The following RAB33B variants were observed in gnomAD, a reference collection of about 807,000 sequenced individuals.
RAB33B encodes the protein RAB33B, member RAS oncogene family, also known as ras-related protein Rab-33B.
A neutral mutation model predicts 15.0 loss-of-function variants in RAB33B; 6 were observed. The ratio of observed to expected loss-of-function variants is 0.40; its 90% confidence interval spans 0.22 to 0.79. RAB33B has a LOEUF of 0.79. RAB33B is among the 30% of genes least tolerant of loss of function. The probability of loss-of-function intolerance (pLI) is 0.37; values close to 1 mark genes in which losing one functional copy is unlikely to be tolerated. For missense variants in RAB33B, 257 were observed against 296.4 expected (o/e 0.87, Z 0.98); for synonymous variants, 117 against 108.3 (o/e 1.08, Z -0.50).
the RAB33B span, among the ~76,000 whole-genome samples, chr4:139,441,374 C>T: frequency 6.6e-6 from 1 of 152,196 alleles, no homozygotes; most frequent in African/African-American, 2.4e-5. Context: ...GAACTGGAGA[C>T]ATTTCTGCAA....
chr4:139,459,790 C>T (rs1376965096), intron 1 of RAB33B, among the ~76,000 whole-genome samples: 1 of 152,044 alleles, frequency 6.6e-6, no homozygotes, highest in Non-Finnish European at 1.5e-5. Context: ...CCTGCCACCC[C>T]ACCCCGCTAA....
chr4:139,469,187 C>T (rs34662699), intron 1 of RAB33B, among the ~76,000 whole-genome samples: 29,606 of 152,098 alleles, frequency 0.19, 3,236 homozygotes, highest in Non-Finnish European at 0.25. Flanking sequence ...TTAAAGCCAG[C>T]AGCTCTTAGA....
upstream of RAB33B, chr4:139,453,012 T>A (rs1749961190): frequency 6.6e-6 from 1 of 152,232 alleles, no homozygotes; most frequent in Non-Finnish European, 1.5e-5. Flanking sequence ...GCACGTTTCC[T>A]CAGAAAAATT....
At chr4:139,463,897 G>A (rs1750221281) in intron 1 of RAB33B, among the ~76,000 whole-genome samples, 1 of 152,198 alleles carries the variant, frequency 6.6e-6, no homozygotes, top group Non-Finnish European at 1.5e-5. Context: ...TATTCCATGA[G>A]AGAAATTTTG....
intron 1 of RAB33B, among the ~76,000 whole-genome samples, chr4:139,455,185 A>G (rs1467540384): frequency 1.3e-5 from 2 of 152,184 alleles, no homozygotes; most frequent in East Asian, 3.8e-4. Flanking sequence ...GCCCCAGGGC[A>G]GGTTTGAAGT....
chr4:139,459,393 A>G (rs189688299), intron 1 of RAB33B, among the ~76,000 whole-genome samples: 249 of 152,184 alleles, frequency 1.6e-3, no homozygotes, highest in Non-Finnish European at 2.8e-3. Context: ...CCATGATCAC[A>G]CCATTGCTCT....
chr4:139,456,748 T>C (rs1465867774), intron 1 of RAB33B, among the ~76,000 whole-genome samples: 1 of 152,254 alleles, frequency 6.6e-6, no homozygotes, highest in Non-Finnish European at 1.5e-5. Flanking sequence ...TTGAAATGAC[T>C]ACAGACATGT....
At chr4:139,471,886 T>G (rs924590184) in intron 1 of RAB33B, among the ~76,000 whole-genome samples, 1 of 152,206 alleles carries the variant, frequency 6.6e-6, no homozygotes, top group Non-Finnish European at 1.5e-5. Context: ...GAGTAAGTTT[T>G]TATATATGGT....
upstream of RAB33B, chr4:139,450,301 G>T (rs1046092212): frequency 2.0e-5 from 3 of 152,164 alleles, no homozygotes; most frequent in Admixed American, 6.5e-5. Flanking sequence ...TGATGTCTGG[G>T]GTTACCAAAC....
the RAB33B span, among the ~76,000 whole-genome samples, chr4:139,443,146 C>T: frequency 6.6e-6 from 1 of 152,090 alleles, no homozygotes; most frequent in Admixed American, 6.6e-5. Flanking sequence ...GCACCCACCA[C>T]CATGCCCGGC....
intron 1 of RAB33B, among the ~76,000 whole-genome samples, chr4:139,468,403 C>T (rs1421247229): frequency 1.3e-5 from 2 of 152,184 alleles, no homozygotes; most frequent in Admixed American, 6.5e-5. Flanking sequence ...AGTTAACACT[C>T]TTTTTACATA....
chr4:139,467,269 T>C (rs1750304810), intron 1 of RAB33B, among the ~76,000 whole-genome samples: 1 of 141,796 alleles, frequency 7.1e-6, no homozygotes, highest in South Asian at 2.3e-4. Flanking sequence ...GTGCCTGGCC[T>C]TCCGCCGCGC....
At chr4:139,466,961 CTTTTTTTTTT>C (rs35504904) in intron 1 of RAB33B, among the ~76,000 whole-genome samples, 4 of 68,482 alleles carry the variant, frequency 5.8e-5, no homozygotes, top group East Asian at 1.1e-3. Context: ...GAAGCACAAA[CTTTTTTTTTT>C]TTTTTTTTTT....
At chr4:139,461,613 G>C (rs1057368005) in intron 1 of RAB33B, among the ~76,000 whole-genome samples, 2 of 151,696 alleles carry the variant, frequency 1.3e-5, no homozygotes, top group African/African-American at 4.8e-5. Flanking sequence ...ATGGTAGTGG[G>C]GAAAAAAAAC....
intron 1 of RAB33B, among the ~76,000 whole-genome samples, chr4:139,464,097 A>G (rs1187600163): frequency 6.6e-6 from 1 of 151,964 alleles, no homozygotes; most frequent in African/African-American, 2.4e-5. Context: ...ACATAGTGTG[A>G]CCACCCCCCC....
At position 139,474,529 on chromosome 4, in the gene RAB33B, C is replaced by G. The variant is rs75661332; in HGVS notation, c.*1403C>G. ...CATTTGGATTGTAGGTGTGAAGGCA[C>G]AACTCTAATTGCTATTAGTCTACAT... On this transcript the variant is annotated 3_prime_UTR_variant, in exon 2 of 2. Transcript: ENST00000305626. The G allele has an allele frequency of 2.0e-5, 3 of 152,452 alleles. No homozygotes were observed. The highest frequency in any genetic ancestry group is 7.2e-5 in the African/African-American group (3 of 41,422). 9.4% of individuals were successfully genotyped at this position (152,452 alleles called of 1,614,324 possible).
chr4:139,467,412 T>G (rs1750311168), intron 1 of RAB33B, among the ~76,000 whole-genome samples: 1 of 147,872 alleles, frequency 6.8e-6, no homozygotes, highest in Non-Finnish European at 1.5e-5. Flanking sequence ...AACATTTTGA[T>G]TTTTTTTAGT....
In RAB33B at chr4:139,459,931, T is replaced by TA. The variant is rs1190858091; in HGVS notation, c.249+5488dup. ...CAGGCGTGAGCCACCGTGTCCGGCC[T>TA]AGTTCAGTTCTTAAACCACATAGTA... On this transcript the variant is annotated intron_variant, in intron 1 of 1. Transcript: ENST00000305626. Among the ~76,000 whole-genome samples the TA allele has an allele frequency of 3.3e-5, 5 of 152,188 alleles. No homozygotes were observed. The East Asian group carries it at 9.6e-4, about 29-fold the overall frequency.
At position 139,473,902 on chromosome 4, in the gene RAB33B, C is replaced by CTTTTTTTTTT. The variant is rs10604111; in HGVS notation, c.*788_*797dup. 3.5e-5 allele frequency: 4 copies of CTTTTTTTTTT among 112,806 alleles called. No homozygotes were observed. The highest frequency in any genetic ancestry group is 7.1e-5 in the African/African-American group (2 of 28,352). 7.0% of individuals were successfully genotyped at this position (112,806 alleles called of 1,614,324 possible). On this transcript the variant is annotated 3_prime_UTR_variant, in exon 2 of 2. Transcript: ENST00000305626. ...AAGAGTTATTTGAGTTTCTTTCTTT[C>CTTTTTTTTTT]TTTTTTTTTTTTTTTTTTTTTGAGA...
Sources: allele counts gnomAD v4.1 joint callset (sites outside exome capture counted in the v4.1 genomes callset), GRCh38; gene constraint gnomAD v4.1.1; transcripts MANE v1.5; gene names NCBI Gene and HGNC (gene_info 2026-07-23, HGNC 2026-07-21).